Variants in SPECC1 observed in about 807,000 individuals in gnomAD.
SPECC1 encodes the protein cytospin-B.
A neutral mutation model predicts 104.1 loss-of-function variants in SPECC1; 62 were observed. That is an observed-to-expected ratio of 0.60 (90% confidence interval 0.49 to 0.74). SPECC1 has a LOEUF of 0.74. Ranked by LOEUF, SPECC1 falls within the 30% of genes least tolerant of loss-of-function variation. SPECC1 has a pLI of 0.00. For synonymous variants in SPECC1, 513 were observed against 501.6 expected (o/e 1.02, Z -0.30); for missense variants, 1,306 against 1,310.5 (o/e 1.00, Z 0.05).
At chr17:20,136,712 C>A (rs1318779835) in intron 3 of SPECC1, among the ~76,000 whole-genome samples, 1 of 152,178 alleles carries the variant, frequency 6.6e-6, no homozygotes, top group East Asian at 1.9e-4. Flanking sequence ...ACACACCATT[C>A]TGCACGTGCG....
intron 12 of SPECC1, among the ~76,000 whole-genome samples, chr17:20,267,417 C>G (rs1378336249): frequency 6.6e-6 from 1 of 152,118 alleles, no homozygotes; most frequent in Non-Finnish European, 1.5e-5. Context: ...GACAGAAAGT[C>G]GGGAGGGTAG....
intron 1 of SPECC1, among the ~76,000 whole-genome samples, chr17:20,012,549 G>T (rs2043981173): frequency 6.7e-6 from 1 of 149,710 alleles, no homozygotes; most frequent in African/African-American, 2.5e-5. Flanking sequence ...TCTTTATATT[G>T]CTGTACTTGC....
chr17:20,292,959 G>A (rs1413263563), intron 12 of SPECC1, among the ~76,000 whole-genome samples: 2 of 152,194 alleles, frequency 1.3e-5, no homozygotes, highest in East Asian at 3.8e-4. Context: ...TGCTTTTGGG[G>A]GACATTCTGG....
intron 12 of SPECC1, among the ~76,000 whole-genome samples, chr17:20,263,534 G>T (rs548496561): frequency 6.6e-6 from 1 of 150,470 alleles, no homozygotes; most frequent in African/African-American, 2.4e-5. Flanking sequence ...TATATTAAAA[G>T]AAAATAAATA....
intron 1 of SPECC1, among the ~76,000 whole-genome samples, chr17:20,090,889 CACCCTATTCCTTATGGGTCTCCATATTAT>C (rs2047375222): frequency 1.3e-5 from 2 of 152,154 alleles, no homozygotes; most frequent in Non-Finnish European, 2.9e-5. Context: ...TTCCAGATTA[CACCCTATTCCTTATGGGTCTCCATATTAT>C]ACCCTATTCC....
At chr17:20,176,781 C>T (rs1396039335) in intron 3 of SPECC1, among the ~76,000 whole-genome samples, 1 of 152,076 alleles carries the variant, frequency 6.6e-6, no homozygotes, top group Non-Finnish European at 1.5e-5. Flanking sequence ...GTTGTAAAAC[C>T]CTGGTGATTA....
intron 7 of SPECC1, chr17:20,236,826 T>C: frequency 6.2e-7 from 1 of 1,613,762 alleles, no homozygotes; most frequent in Non-Finnish European, 8.5e-7. Context: ...GGTAACTCCT[T>C]TACAGCCTCT....
At chr17:20,288,330 A>G (rs563271982) in intron 12 of SPECC1, among the ~76,000 whole-genome samples, 18 of 152,332 alleles carry the variant, frequency 1.2e-4, no homozygotes, top group Non-Finnish European at 2.1e-4. Flanking sequence ...TGCTGGGTCA[A>G]ATGGTTTTTC....
At chr17:20,108,234 G>GAA (rs1245519078) in intron 2 of SPECC1, among the ~76,000 whole-genome samples, 2 of 139,678 alleles carry the variant, frequency 1.4e-5, no homozygotes, top group African/African-American at 2.6e-5. Context: ...CAAAAAAAAG[G>GAA]AAAAAAAAAA....
chr17:20,070,468 A>G (rs1346944027), intron 1 of SPECC1, among the ~76,000 whole-genome samples: 2 of 152,136 alleles, frequency 1.3e-5, no homozygotes, highest in Non-Finnish European at 2.9e-5. Context: ...TGGTCATGGT[A>G]TATAATCCTT....
intron 3 of SPECC1, among the ~76,000 whole-genome samples, chr17:20,162,256 C>CT (rs1469752115): frequency 6.6e-6 from 1 of 152,156 alleles, no homozygotes; most frequent in Non-Finnish European, 1.5e-5. Flanking sequence ...CGCCATTCTC[C>CT]TGCCTCAGCC....
intron 4 of SPECC1, among the ~76,000 whole-genome samples, chr17:20,214,765 C>T (rs1456571312): frequency 6.6e-6 from 1 of 152,204 alleles, no homozygotes; most frequent in East Asian, 1.9e-4. Context: ...ACCTCAACCT[C>T]CCAAAGTGCT....
At chr17:20,036,899 A>C (rs1161714233) in intron 1 of SPECC1, among the ~76,000 whole-genome samples, 1 of 152,198 alleles carries the variant, frequency 6.6e-6, no homozygotes, top group Non-Finnish European at 1.5e-5. Flanking sequence ...CGTAGGGGAA[A>C]GCATTTAGTT....
At chr17:20,191,524 T>G (rs1185222920) in intron 3 of SPECC1, among the ~76,000 whole-genome samples, 1 of 146,910 alleles carries the variant, frequency 6.8e-6, no homozygotes, top group East Asian at 2.1e-4. Context: ...CTTTAAGTTC[T>G]GGGGTACATG....
At chr17:20,134,150 T>C (rs951197560) in intron 3 of SPECC1, among the ~76,000 whole-genome samples, 4 of 150,758 alleles carry the variant, frequency 2.7e-5, no homozygotes, top group African/African-American at 9.7e-5. Context: ...ATATATTATA[T>C]ATTCCCTATG....
chr17:20,078,627 T>C (rs1167777000), intron 1 of SPECC1, among the ~76,000 whole-genome samples: 2 of 152,142 alleles, frequency 1.3e-5, no homozygotes, highest in East Asian at 3.9e-4. Flanking sequence ...ATTTATAAAA[T>C]CTATCAAAAG....
intron 1 of SPECC1, among the ~76,000 whole-genome samples, chr17:20,038,790 C>A (rs550758868): frequency 6.6e-6 from 1 of 152,262 alleles, no homozygotes; most frequent in South Asian, 2.1e-4. Flanking sequence ...ATATCTTTGA[C>A]CCACGGATGA....
chr17:20,283,757 T>G (rs2040853007), intron 12 of SPECC1, among the ~76,000 whole-genome samples: 2 of 152,090 alleles, frequency 1.3e-5, no homozygotes, highest in Admixed American at 1.3e-4. Flanking sequence ...TGGCTAATTT[T>G]TGTATTTTTT....
In SPECC1 at chr17:20,013,508, A is replaced by C. The variant is rs140045570; in HGVS notation, c.-22+4084A>C. Among the ~76,000 whole-genome samples, 822 of 151,620 alleles carry C rather than the reference A, an allele frequency of 5.4e-3. 9 individuals are homozygous for C. Among genetic ancestry groups the C allele is most frequent in the African/African-American group, 0.019 (774 of 41,292 alleles). Reference sequence around the variant, plus strand: ...CCTGTCATCTTATTTTATATTTTTGATTTCCTTTTTTGAGACGGAGTCTTG... The same window carrying C: ...CCTGTCATCTTATTTTATATTTTTGCTTTCCTTTTTTGAGACGGAGTCTTG... On this transcript the variant is annotated intron_variant, in intron 1 of 14. Coordinates refer to ENST00000395527, the MANE Select transcript of SPECC1 (RefSeq NM_001243439.2).
Sources: gnomAD v4.1 joint callset for allele counts (sites outside exome capture counted in the v4.1 genomes callset) on GRCh38, gnomAD v4.1.1 for gene constraint, MANE v1.5 for transcripts, NCBI Gene and HGNC (gene_info 2026-07-23, HGNC 2026-07-21) for gene names.